Variants in PAN3 observed in about 807,000 individuals in gnomAD.
PAN3 encodes the protein PAN2-PAN3 deadenylation complex subunit PAN3.
PAN3 carries 19 observed loss-of-function variants against 96.2 expected under a neutral mutation model. The observed-to-expected ratio is 0.20, with a 90% CI of 0.14 to 0.29. The LOEUF is 0.29. Among genes scored for constraint, PAN3 ranks in the 10% least tolerant of loss-of-function variants. The pLI, the probability that PAN3 is intolerant of heterozygous loss-of-function variation, is 1.00. For synonymous variants in PAN3, 433 were observed against 406.6 expected, an observed-to-expected ratio of 1.06 and a Z score of -0.78; for missense variants, 882 against 1,108.1, an observed-to-expected ratio of 0.80 and a Z score of 2.90.
chr13:28,139,240 C>T (rs1265532550), intron 1 of PAN3, among the ~76,000 whole-genome samples, 153 bp downstream of exon 1: 1 of 152,018 alleles, frequency 6.6e-6, no homozygotes, highest in African/African-American at 2.4e-5. Flanking sequence ...CCTGAGCCCT[C>T]CTTCCTTCTT....
intron 1 of PAN3, among the ~76,000 whole-genome samples, chr13:28,144,396 T>C (rs1870313519): frequency 2.0e-5 from 3 of 151,810 alleles, no homozygotes; most frequent in South Asian, 2.1e-4. Context: ...TTTGTATTTT[T>C]AGTAGAGACG....
chr13:28,215,840 G>A (rs1014964714), intron 5 of PAN3: 2 of 1,403,268 alleles, frequency 1.4e-6, no homozygotes, highest in African/African-American at 1.4e-5. Flanking sequence ...TGGACAAGAA[G>A]GCTGCTGGAG....
At chr13:28,215,255 C>G in intron 5 of PAN3, 1 of 708,182 alleles carries the variant, frequency 1.4e-6, no homozygotes, top group Admixed American at 1.9e-5. Context: ...AGTCCTTGCA[C>G]CAGCCTCTCC....
At chr13:28,166,960 G>C (rs1179126317) in intron 1 of PAN3, among the ~76,000 whole-genome samples, 1 of 152,122 alleles carries the variant, frequency 6.6e-6, no homozygotes, top group Non-Finnish European at 1.5e-5. Flanking sequence ...GTGGTAGGGA[G>C]TAGCAGCCTT....
At chr13:28,269,339 G>A (rs1413751007) in intron 12 of PAN3, among the ~76,000 whole-genome samples, 1 of 151,764 alleles carries the variant, frequency 6.6e-6, no homozygotes, top group African/African-American at 2.4e-5. Flanking sequence ...TATTTTCATA[G>A]GAAGTAGTCC....
intron 7 of PAN3, among the ~76,000 whole-genome samples, chr13:28,256,816 G>T (rs1207729866): frequency 2.0e-5 from 3 of 152,072 alleles, no homozygotes; most frequent in African/African-American, 7.2e-5. Context: ...TTGCTTATGG[G>T]TTTACCTTGT....
At chr13:28,250,357 T>C (rs1315090865) in intron 6 of PAN3, among the ~76,000 whole-genome samples, 1 of 152,006 alleles carries the variant, frequency 6.6e-6, no homozygotes, top group African/African-American at 2.4e-5. Context: ...CATGTCTGGT[T>C]TATTTTAATT....
At chr13:28,287,080 C>T (rs917291718) in intron 17 of PAN3, among the ~76,000 whole-genome samples, 8 of 152,170 alleles carry the variant, frequency 5.3e-5, no homozygotes, top group African/African-American at 1.9e-4. Context: ...TCTCCCCCAA[C>T]CCATTCAGAC....
chr13:28,209,630 C>T (rs1339384840), intron 5 of PAN3, among the ~76,000 whole-genome samples: 1 of 152,048 alleles, frequency 6.6e-6, no homozygotes, highest in Non-Finnish European at 1.5e-5. Context: ...AAGTGCTGTG[C>T]TAACCTTATC....
At chr13:28,224,635 TAG>T (rs1253557279) in intron 6 of PAN3, among the ~76,000 whole-genome samples, 1 of 152,180 alleles carries the variant, frequency 6.6e-6, no homozygotes, top group Non-Finnish European at 1.5e-5. Context: ...ATTATTACTT[TAG>T]AGAGAGTGTC....
At chr13:28,160,709 A>G (rs1278613480) in intron 1 of PAN3, among the ~76,000 whole-genome samples, 1 of 152,212 alleles carries the variant, frequency 6.6e-6, no homozygotes, top group African/African-American at 2.4e-5. Context: ...ATTTTATCTA[A>G]TTTATCAGAA....
chr13:28,194,466 A>ATTTTTTT (rs1284832933), intron 4 of PAN3, among the ~76,000 whole-genome samples: 4 of 122,134 alleles, frequency 3.3e-5, no homozygotes, highest in Non-Finnish European at 4.8e-5. Context: ...ATATATATAT[A>ATTTTTTT]TTTTTTTTTT....
intron 1 of PAN3, among the ~76,000 whole-genome samples, chr13:28,146,885 G>C (rs971620485): frequency 6.6e-6 from 1 of 152,028 alleles, no homozygotes; most frequent in Non-Finnish European, 1.5e-5. Context: ...TGAGGCAGGA[G>C]AATTGCTTGA....
rs913394469 is a variant in PAN3, at chr13:28,293,303, T to G, written c.*781T>G. Reference sequence around the variant, plus strand: ...CAGATACATTTACATTTATGCAAATTTTTTAAATAGGAGAAAATTAAGAAA... The same window carrying G: ...CAGATACATTTACATTTATGCAAATGTTTTAAATAGGAGAAAATTAAGAAA... On this transcript the variant is annotated 3_prime_UTR_variant, in exon 19 of 19. Coordinates refer to ENST00000380958, the MANE Select transcript of PAN3 (RefSeq NM_175854.8). 1 of 150,542 alleles carries G rather than the reference T, an allele frequency of 6.6e-6. No homozygotes were observed. The highest frequency in any genetic ancestry group is 1.5e-5 in the Non-Finnish European group (1 of 67,628). 9.3% of individuals were successfully genotyped at this position (150,542 alleles called of 1,614,324 possible). A position where few individuals can be genotyped will look rare whatever the true frequency, so the allele number is the denominator to read the frequency against.
chr13:28,163,081 T>C (rs2138038685), intron 1 of PAN3, among the ~76,000 whole-genome samples: 1 of 151,962 alleles, frequency 6.6e-6, no homozygotes, highest in East Asian at 1.9e-4. Context: ...TCTTGCTCTG[T>C]CACCCAGGCT....
At chr13:28,183,237 C>A (rs1001232567) in intron 4 of PAN3, among the ~76,000 whole-genome samples, 16 of 152,210 alleles carry the variant, frequency 1.1e-4, no homozygotes, top group African/African-American at 3.6e-4. Flanking sequence ...TAAATTTAAT[C>A]TGTAAAATGA....
intron 14 of PAN3, among the ~76,000 whole-genome samples, chr13:28,272,632 C>T (rs549531422): frequency 2.7e-5 from 4 of 150,940 alleles, no homozygotes; most frequent in South Asian, 2.1e-4. Context: ...TGCAATGGCG[C>T]GATCTCAACT....
chr13:28,191,197 G>T (rs1877216777), intron 4 of PAN3, among the ~76,000 whole-genome samples: 1 of 152,128 alleles, frequency 6.6e-6, no homozygotes, highest in Non-Finnish European at 1.5e-5. Context: ...CCTTAAAATT[G>T]TGTTTGCCCT....
In PAN3 at chr13:28,276,139, A is replaced by G. The variant is rs572459440; in HGVS notation, c.2050-1098A>G. Among the ~76,000 whole-genome samples the G allele has an allele frequency of 8.5e-5, 13 of 152,266 alleles. No individual in the cohort carries two copies. In the East Asian group the frequency reaches 2.5e-3, roughly 29 times the overall value. On this transcript the variant is annotated intron_variant, in intron 14 of 18. Coordinates refer to ENST00000380958, the MANE Select transcript of PAN3 (RefSeq NM_175854.8). ...GAAGCTTAGAAAAATACCAATACCT[A>G]GATTTTTATCCCAGACTAATTATAC... is the stretch of plus-strand genomic sequence containing the variant.
Sources: allele counts gnomAD v4.1 joint callset (sites outside exome capture counted in the v4.1 genomes callset), GRCh38; gene constraint gnomAD v4.1.1; transcripts MANE v1.5; gene names NCBI Gene and HGNC (gene_info 2026-07-23, HGNC 2026-07-21).